Variants in ZFHX3 observed in about 807,000 individuals in gnomAD.
ZFHX3 encodes the protein zinc finger homeobox protein 3.
ZFHX3 carries 42 observed loss-of-function variants against 279.1 expected under a neutral mutation model. That is an observed-to-expected ratio of 0.15 (90% confidence interval 0.12 to 0.19). ZFHX3 has a LOEUF of 0.19. Among genes scored for constraint, ZFHX3 ranks in the 10% least tolerant of loss-of-function variants. ZFHX3 has a pLI of 1.00. For synonymous variants in ZFHX3, 2,293 were observed against 1,957.8 expected, an observed-to-expected ratio of 1.17 and a Z score of -4.52; for missense variants, 4,981 against 4,754.0, an observed-to-expected ratio of 1.05 and a Z score of -1.40.
At chr16:72,845,212 G>A (rs1247135869) in intron 4 of ZFHX3, among the ~76,000 whole-genome samples, 1 of 152,098 alleles carries the variant, frequency 6.6e-6, no homozygotes, top group African/African-American at 2.4e-5. Context: ...GCTTGTGAAG[G>A]TCTGGAAGGG....
chr16:73,648,153 T>C (rs977636408), intron 2 of ZFHX3, among the ~76,000 whole-genome samples: 2 of 152,200 alleles, frequency 1.3e-5, no homozygotes, highest in African/African-American at 4.8e-5. Flanking sequence ...GAATCTATAC[T>C]ACAGAAACAC....
At chr16:72,977,921 G>A (rs1962421890) in intron 1 of ZFHX3, among the ~76,000 whole-genome samples, 1 of 151,944 alleles carries the variant, frequency 6.6e-6, no homozygotes, top group African/African-American at 2.4e-5. Context: ...CTGGAGTGCA[G>A]TGGCACGATC....
chr16:72,798,894 T>C (rs1052270990), intron 8 of ZFHX3, among the ~76,000 whole-genome samples, 180 bp from the exon 9 acceptor site: 2 of 152,158 alleles, frequency 1.3e-5, no homozygotes, highest in Non-Finnish European at 2.9e-5. Context: ...GTTCCTCCAA[T>C]AGAGCACATA....
At chr16:72,863,412 G>A (rs774319767) in intron 4 of ZFHX3, among the ~76,000 whole-genome samples, 24 of 151,128 alleles carry the variant, frequency 1.6e-4, no homozygotes, top group Non-Finnish European at 2.8e-4. Context: ...CAGCTACTCA[G>A]GAGACTGAGG....
At chr16:73,581,058 C>T (rs1252279328) in intron 2 of ZFHX3, among the ~76,000 whole-genome samples, 1 of 151,546 alleles carries the variant, frequency 6.6e-6, no homozygotes, top group East Asian at 1.9e-4. Context: ...TTATTTTAGG[C>T]CTGTTCAGTG....
At chr16:73,502,103 C>T (rs207476156) in intron 2 of ZFHX3, among the ~76,000 whole-genome samples, 22 of 151,204 alleles carry the variant, frequency 1.5e-4, no homozygotes, top group Admixed American at 1.3e-3. Context: ...AGTTACTAAT[C>T]GGGGGTGGGG....
chr16:73,722,432 A>G (rs1400337809), intron 1 of ZFHX3, among the ~76,000 whole-genome samples: 2 of 152,204 alleles, frequency 1.3e-5, no homozygotes, highest in Non-Finnish European at 2.9e-5. Context: ...GAACCAGGAA[A>G]TCTTCTCACT....
intron 5 of ZFHX3, among the ~76,000 whole-genome samples, chr16:73,146,982 T>A (rs750023044): frequency 6.6e-6 from 1 of 152,216 alleles, no homozygotes; most frequent in East Asian, 1.9e-4. Context: ...TTAAGCCTCT[T>A]ATTAATAGAA....
In ZFHX3 at chr16:72,811,916, T is replaced by C; in HGVS notation, c.3652A>G (p.Lys1218Glu). The C allele has an allele frequency of 6.2e-7, 1 of 1,614,148 alleles. No individual in the cohort carries two copies. Among genetic ancestry groups the C allele is most frequent in the Non-Finnish European group, 8.5e-7 (1 of 1,180,018 alleles). Residue 1218 changes from lysine to glutamate, a missense_variant, in exon 6 of 10, where the codon AAA (lysine) becomes GAA (glutamate). Transcript: ENST00000268489. ...CCTTCCAGCCTCACCTGCTCCGGTT[T>C]GATCTCCTCAGCTGTTTTTGGTCGC... ...SKRPKTAEEI[K>E]PEQMYQCPYC...
At chr16:73,613,748 G>C (rs1471537) in intron 2 of ZFHX3, among the ~76,000 whole-genome samples, 33,764 of 152,088 alleles carry the variant, frequency 0.22, 4,023 homozygotes, top group African/African-American at 0.28. Context: ...ACTAGGCATG[G>C]TGCTCAGGAT....
chr16:73,617,140 C>T (rs1179916986), intron 2 of ZFHX3, among the ~76,000 whole-genome samples: 1 of 152,172 alleles, frequency 6.6e-6, no homozygotes, highest in Non-Finnish European at 1.5e-5. Context: ...AACTAAACCC[C>T]TATTTCTCCA....
intron 5 of ZFHX3, among the ~76,000 whole-genome samples, chr16:73,230,368 T>C (rs1018797825): frequency 1.8e-4 from 28 of 152,348 alleles, no homozygotes; most frequent in South Asian, 1.0e-3. Context: ...TAGGAACGTA[T>C]GGACTGGTGG....
At position 73,795,403 on chromosome 16, in the gene ZFHX3, A is replaced by G. The variant is rs1195407863; in HGVS notation, c.-1608+96248T>C. Among the ~76,000 whole-genome samples, 4 of 152,300 alleles carry G rather than the reference A, an allele frequency of 2.6e-5. No homozygotes were observed. In the East Asian group the frequency reaches 7.7e-4, roughly 29 times the overall value. On this transcript the variant is annotated intron_variant, in intron 1 of 17. Coordinates refer to the ZFHX3 transcript ENST00000641206. ...TCAGGGCCAAGACCTGAGAGGCACAAGCTCAGGCAGGTTGCAAACGAGAGT... is the reference window on the plus strand; with the variant it reads ...TCAGGGCCAAGACCTGAGAGGCACAGGCTCAGGCAGGTTGCAAACGAGAGT...
intron 5 of ZFHX3, among the ~76,000 whole-genome samples, chr16:73,155,353 A>C (rs906274053): frequency 6.6e-6 from 1 of 152,200 alleles, no homozygotes; most frequent in Non-Finnish European, 1.5e-5. Context: ...TTGGTCCTAC[A>C]TGAAGCTAGG....
At chr16:72,904,357 A>T (rs1244489366) in intron 3 of ZFHX3, among the ~76,000 whole-genome samples, 1 of 149,748 alleles carries the variant, frequency 6.7e-6, no homozygotes, top group Non-Finnish European at 1.5e-5. Flanking sequence ...ACAGAGTGAG[A>T]TTCTGTCTCA....
intron 8 of ZFHX3, among the ~76,000 whole-genome samples, chr16:73,070,192 C>G (rs568084346): frequency 6.6e-6 from 1 of 152,200 alleles, no homozygotes; most frequent in Non-Finnish European, 1.5e-5. Flanking sequence ...ACACACTGAA[C>G]TGTATCAAAC....
intron 2 of ZFHX3, among the ~76,000 whole-genome samples, chr16:73,552,423 A>C (rs1322211913): frequency 6.6e-6 from 1 of 152,214 alleles, no homozygotes; most frequent in Non-Finnish European, 1.5e-5. Context: ...GTGCCATTTC[A>C]TTCAAAAATG....
At chr16:73,275,513 C>T (rs2014272164) in intron 4 of ZFHX3, among the ~76,000 whole-genome samples, 1 of 152,056 alleles carries the variant, frequency 6.6e-6, no homozygotes, top group Admixed American at 6.5e-5. Context: ...TGTTAAAATC[C>T]CCATGCATAA....
In ZFHX3 at chr16:73,264,407, A is replaced by G. The variant is rs74030025; in HGVS notation, c.-1193-7271T>C. ...TCCTTCCAACTTTAGGAGTCTTTTC[A>G]TTTTTCTCTTTTACAACTTTCCCCA... On this transcript the variant is annotated intron_variant, in intron 4 of 17. Coordinates refer to the ZFHX3 transcript ENST00000641206. Among the ~76,000 whole-genome samples, 1,248 of 151,472 alleles carry G rather than the reference A, an allele frequency of 8.2e-3. 16 individuals are homozygous for G. Among genetic ancestry groups the G allele is most frequent in the South Asian group, 0.027 (132 of 4,802 alleles).
Sources: allele counts gnomAD v4.1 joint callset (sites outside exome capture counted in the v4.1 genomes callset), GRCh38; gene constraint gnomAD v4.1.1; transcripts MANE v1.5; gene names NCBI Gene and HGNC (gene_info 2026-07-23, HGNC 2026-07-21).